Variants in HECW2 observed in about 807,000 individuals in gnomAD.
HECW2 encodes E3 ubiquitin-protein ligase HECW2.
HECW2 carries 61 observed loss-of-function variants against 175.2 expected under a neutral mutation model. The ratio of observed to expected loss-of-function variants is 0.35; its 90% CI spans 0.28 to 0.43. The LOEUF (loss-of-function observed/expected upper bound fraction) is 0.43. Among genes scored for constraint, HECW2 ranks in the 20% least tolerant of loss-of-function variants. HECW2 has a pLI of 1.00. For missense variants in HECW2, 1,524 were observed against 2,000.5 expected, an observed-to-expected ratio of 0.76 and a Z score of 4.54; for synonymous variants, 671 against 731.0, an observed-to-expected ratio of 0.92 and a Z score of 1.32.
Position 196,319,882 on chromosome 2 carries a change from G to A in HECW2, c.1008C>T (p.Gly336=), listed in dbSNP as rs773413945. Residue 336 remains glycine (G), a synonymous_variant, in exon 9 of 29, where the codon GGC becomes GGT. Coordinates refer to ENST00000644978, the MANE Select transcript of HECW2 (RefSeq NM_001348768.2). ...TCACAGAATTGACTCCAAGTATTGT[G>A]CCAACAGCTTCTGGAGAGGCATCTG... ...VHEDASPEAV[G]TILGVNSVNG... is the part of the protein sequence containing the mutation. 2.5e-6 allele frequency: 4 copies of A among 1,605,114 alleles called. No individual in the cohort carries two copies. The highest frequency in any genetic ancestry group is 3.4e-6 in the Non-Finnish European group (4 of 1,173,368).
intron 18 of HECW2, 36 bp from the exon 19 acceptor site, chr2:196,254,065 C>A (rs777152901): frequency 1.2e-6 from 2 of 1,609,508 alleles, no homozygotes; most frequent in Non-Finnish European, 1.7e-6. Flanking sequence ...GGCACTTCAG[C>A]CAAAGTAGTG....
At chr2:196,211,921 C>A (rs1241705532) in intron 28 of HECW2, among the ~76,000 whole-genome samples, 1 of 152,172 alleles carries the variant, frequency 6.6e-6, no homozygotes, top group Non-Finnish European at 1.5e-5. Flanking sequence ...CGGCTCACTG[C>A]AACCTCTGCC....
chr2:196,453,539 G>C (rs1696410581), intron 1 of HECW2, among the ~76,000 whole-genome samples: 1 of 152,126 alleles, frequency 6.6e-6, no homozygotes, highest in African/African-American at 2.4e-5. Flanking sequence ...GCATCTCAGA[G>C]AAAAATTCTG....
intron 1 of HECW2, among the ~76,000 whole-genome samples, chr2:196,464,303 G>A (rs1328287440): frequency 6.6e-6 from 1 of 152,114 alleles, no homozygotes; most frequent in Admixed American, 6.5e-5. Context: ...CATAGGAGGG[G>A]AAAAAATTTC....
At position 196,382,548 on chromosome 2, in the gene HECW2, A is replaced by C. The variant is rs568502034; in HGVS notation, c.293-38784T>G. On this transcript the variant is annotated intron_variant, in intron 2 of 28. Transcript: ENST00000644978. ...ACTAGAGATGTATTCAGATTTTGTA[A>C]ATCTCTAGTTGATGAAGCCCTAAGT... 2.0e-5 allele frequency among the ~76,000 whole-genome samples: 3 copies of C among 152,274 alleles called. No individual in the cohort carries two copies. The East Asian group carries it at 5.8e-4, about 29-fold the overall frequency.
chr2:196,581,985 G>A (rs1690802287), intron 1 of HECW2, among the ~76,000 whole-genome samples: 1 of 151,986 alleles, frequency 6.6e-6, no homozygotes, highest in African/African-American at 2.4e-5. Flanking sequence ...AGAATGATGT[G>A]AACCCAGGAG....
At chr2:196,313,754 A>G (rs1003173543) in intron 10 of HECW2, among the ~76,000 whole-genome samples, 2 of 152,198 alleles carry the variant, frequency 1.3e-5, no homozygotes, top group African/African-American at 2.4e-5. Flanking sequence ...GATAAAGAGA[A>G]AGAAAAAAGA....
rs1253271425 is a variant in HECW2, at chr2:196,393,615, G to C, written c.292+39517C>G. ...AAAACCACAATGAGATACCATCTCA[G>C]ACCAGTTAGAATGGAGATCATTAAA... is the stretch of plus-strand genomic sequence containing the variant. On this transcript the variant is annotated intron_variant, in intron 2 of 28. Transcript: ENST00000644978. Among the ~76,000 whole-genome samples, 19 of 152,238 alleles carry C rather than the reference G, an allele frequency of 1.2e-4. No homozygotes were observed. In the South Asian group the frequency reaches 1.9e-3, roughly 15 times the overall value.
chr2:196,489,077 T>C (rs1399679564), intron 1 of HECW2, among the ~76,000 whole-genome samples: 1 of 152,226 alleles, frequency 6.6e-6, no homozygotes, highest in African/African-American at 2.4e-5. Flanking sequence ...TTTGTTCTTG[T>C]AGTCTTATTT....
chr2:196,466,674 A>T (rs1038618478), intron 1 of HECW2, among the ~76,000 whole-genome samples: 7 of 152,216 alleles, frequency 4.6e-5, no homozygotes, highest in African/African-American at 1.7e-4. Flanking sequence ...GATTTGAAGC[A>T]GATCTTAATT....
At chr2:196,407,253 A>G (rs1694990290) in intron 2 of HECW2, among the ~76,000 whole-genome samples, 1 of 150,912 alleles carries the variant, frequency 6.6e-6, no homozygotes, top group African/African-American at 2.5e-5. Context: ...GGCTCACTGC[A>G]ACCTCTACCT....
chr2:196,409,045 T>C (rs1695037454), intron 2 of HECW2, among the ~76,000 whole-genome samples: 1 of 152,168 alleles, frequency 6.6e-6, no homozygotes, highest in Admixed American at 6.5e-5. Context: ...TGTTGGTAGC[T>C]TGAAATTGGC....
intron 2 of HECW2, among the ~76,000 whole-genome samples, chr2:196,416,070 T>C (rs1224923776): frequency 6.6e-6 from 1 of 152,218 alleles, no homozygotes; most frequent in Non-Finnish European, 1.5e-5. Flanking sequence ...CTTTTCTTAC[T>C]AGAGATATTA....
intron 2 of HECW2, among the ~76,000 whole-genome samples, chr2:196,422,466 T>C (rs1695432497): frequency 6.6e-6 from 1 of 152,114 alleles, no homozygotes; most frequent in African/African-American, 2.4e-5. Flanking sequence ...TGTGTCCAGA[T>C]GGCATAATGA....
intron 2 of HECW2, among the ~76,000 whole-genome samples, chr2:196,424,097 A>G (rs1695477657): frequency 6.6e-6 from 1 of 151,972 alleles, no homozygotes; most frequent in Admixed American, 6.6e-5. Flanking sequence ...TTATTGCAAT[A>G]TTTCAAGCTT....
intron 1 of HECW2, among the ~76,000 whole-genome samples, chr2:196,433,777 G>A (rs777055109): frequency 2.0e-5 from 3 of 152,028 alleles, no homozygotes; most frequent in Non-Finnish European, 2.9e-5. Context: ...AACACCCCAC[G>A]TTCAAACATG....
chr2:196,401,931 TG>T (rs1267050055), intron 2 of HECW2, among the ~76,000 whole-genome samples: 2 of 152,216 alleles, frequency 1.3e-5, no homozygotes, highest in East Asian at 3.9e-4. Context: ...CCAGGCGCGG[TG>T]GCTCACGCCT....
intron 10 of HECW2, among the ~76,000 whole-genome samples, chr2:196,314,803 A>C (rs1207063916): frequency 6.6e-6 from 1 of 152,252 alleles, no homozygotes; most frequent in Non-Finnish European, 1.5e-5. Context: ...AGGTCATTTA[A>C]GAGATGGGCC....
At chr2:196,232,813 C>T (rs1053924556) in intron 21 of HECW2, among the ~76,000 whole-genome samples, 7 of 152,118 alleles carry the variant, frequency 4.6e-5, no homozygotes, top group Admixed American at 3.9e-4. Context: ...AATGAAAAGT[C>T]TTGTTTTCCC....
Sources: gnomAD v4.1 joint callset for allele counts (sites outside exome capture counted in the v4.1 genomes callset) on GRCh38, gnomAD v4.1.1 for gene constraint, MANE v1.5 for transcripts, NCBI Gene and HGNC (gene_info 2026-07-23, HGNC 2026-07-21) for gene names.